The following SAMD5 variants were observed in gnomAD, a reference collection of about 807,000 sequenced individuals.
The protein encoded by SAMD5 is sterile alpha motif domain containing 5.
A neutral mutation model predicts 11.3 loss-of-function variants in SAMD5; 13 were observed. The observed-to-expected ratio is 1.15, with a 90% CI of 0.75 to 1.83. SAMD5 has a LOEUF of 1.83. Ranked by LOEUF, SAMD5 falls within the 40% of genes most tolerant of loss-of-function variation. SAMD5 has a pLI of 0.00. For missense variants in SAMD5, 255 were observed against 239.1 expected, an observed-to-expected ratio of 1.07 and a Z score of -0.44; for synonymous variants, 129 against 111.3, an observed-to-expected ratio of 1.16 and a Z score of -1.00.
At chr6:147,539,339 G>C (rs1240857409) in intron 1 of SAMD5, among the ~76,000 whole-genome samples, 1 of 152,184 alleles carries the variant, frequency 6.6e-6, no homozygotes, top group African/African-American at 2.4e-5. Flanking sequence ...AGGTGGCTGA[G>C]AGCATGCTTC....
At chr6:147,661,144 A>T (rs548750099) in intron 1 of SAMD5, among the ~76,000 whole-genome samples, 2 of 151,638 alleles carry the variant, frequency 1.3e-5, no homozygotes, top group South Asian at 2.1e-4. Flanking sequence ...AAATCTACCA[A>T]TTTTTTTTTC....
the SAMD5 span, among the ~76,000 whole-genome samples, chr6:147,781,512 G>A: frequency 3.9e-5 from 6 of 151,988 alleles, no homozygotes; most frequent in African/African-American, 1.4e-4. Context: ...TCATCTTACT[G>A]AGAAGCAAAC....
At chr6:147,815,999 G>A in the SAMD5 span, among the ~76,000 whole-genome samples, 1 of 151,990 alleles carries the variant, frequency 6.6e-6, no homozygotes, top group Non-Finnish European at 1.5e-5. Context: ...TAGAAAGAAG[G>A]CTGGGCACGG....
chr6:147,511,627 CA>C (rs35910441), intron 1 of SAMD5, among the ~76,000 whole-genome samples: 62,960 of 136,556 alleles, frequency 0.46, 14,978 homozygotes, highest in African/African-American at 0.69. Context: ...AGTTGGGGAC[CA>C]AAAAAAAAAA....
chr6:147,652,959 G>A (rs1453139505), intron 1 of SAMD5, among the ~76,000 whole-genome samples: 1 of 152,100 alleles, frequency 6.6e-6, no homozygotes, highest in Non-Finnish European at 1.5e-5. Context: ...ACTTCGATTT[G>A]TTTGCCTCCC....
At position 147,565,545 on chromosome 6, in the gene SAMD5, G is replaced by A. The variant is rs182561912; in HGVS notation, c.*1089G>A. 255 of 652,256 alleles carry A rather than the reference G, an allele frequency of 3.9e-4. 1 individual carries two copies. The South Asian group carries it at 6.9e-3, about 18-fold the overall frequency. 40.4% of individuals were successfully genotyped at this position (652,256 alleles called of 1,614,324 possible). ...ACAATCTTGGCTCACAGTGACTTTC[G>A]CCTCCCAGGTTCAAGGAATTCTCCT... On this transcript the variant is annotated 3_prime_UTR_variant, in exon 2 of 2. Transcript: ENST00000367474.
the SAMD5 span, among the ~76,000 whole-genome samples, chr6:147,875,346 G>C: frequency 1.3e-5 from 2 of 152,134 alleles, no homozygotes; most frequent in Non-Finnish European, 2.9e-5. Context: ...TTAGAGCAAC[G>C]ACCAAGTAGT....
At chr6:147,621,094 C>T (rs544629749) in intron 1 of SAMD5, among the ~76,000 whole-genome samples, 7 of 151,984 alleles carry the variant, frequency 4.6e-5, no homozygotes, top group East Asian at 3.9e-4. Flanking sequence ...GAGGGTCTTA[C>T]GTGTCGGGCT....
chr6:147,564,502 A>G lies in SAMD5; in HGVS notation c.*46A>G, dbSNP rs1789005763. On this transcript the variant is annotated 3_prime_UTR_variant, in exon 2 of 2. Transcript: ENST00000367474. ...TGGAGGACTGATGAGGTGCCTGAAG[A>G]CTGGAAAAGGGCATATTTAGAACCT... The G allele has an allele frequency of 1.2e-6, 1 of 826,468 alleles. No individual in the cohort carries two copies. The allele number at this position is 826,468 out of a possible 1,614,324, so 51.2% of individuals were successfully genotyped here. A position where few individuals can be genotyped will look rare whatever the true frequency, so the allele number is the denominator to read the frequency against.
At chr6:147,560,049 A>G (rs1289048613) in intron 1 of SAMD5, among the ~76,000 whole-genome samples, 1 of 152,186 alleles carries the variant, frequency 6.6e-6, no homozygotes, top group Admixed American at 6.5e-5. Flanking sequence ...AACTTTTCCA[A>G]TAGGAACTTA....
chr6:147,528,360 G>C (rs543729094), intron 1 of SAMD5, among the ~76,000 whole-genome samples: 1 of 152,110 alleles, frequency 6.6e-6, no homozygotes, highest in Admixed American at 6.6e-5. Context: ...CTGAGGCCAC[G>C]TGCCCCAGCT....
chr6:147,843,325 C>A, the SAMD5 span, among the ~76,000 whole-genome samples: 3 of 152,014 alleles, frequency 2.0e-5, no homozygotes, highest in Non-Finnish European at 2.9e-5. Flanking sequence ...TATAAAATAT[C>A]GATTAAAGAA....
At chr6:147,604,990 C>T (rs1042293193) in intron 1 of SAMD5, among the ~76,000 whole-genome samples, 1 of 152,158 alleles carries the variant, frequency 6.6e-6, no homozygotes, top group Non-Finnish European at 1.5e-5. Context: ...TAATCAGAGC[C>T]TTGACCACTA....
chr6:147,664,328 C>G (rs1790686928), intron 1 of SAMD5, among the ~76,000 whole-genome samples: 1 of 152,142 alleles, frequency 6.6e-6, no homozygotes, highest in Non-Finnish European at 1.5e-5. Context: ...TCCCTGCTGA[C>G]AGTAATCATT....
the SAMD5 span, among the ~76,000 whole-genome samples, chr6:147,928,595 AT>A: frequency 6.6e-6 from 1 of 151,528 alleles, no homozygotes; most frequent in Admixed American, 6.6e-5. Context: ...CTATCTTACT[AT>A]TTTTTTGAAC....
chr6:147,841,510 A>G, the SAMD5 span, among the ~76,000 whole-genome samples: 4 of 152,192 alleles, frequency 2.6e-5, no homozygotes, highest in East Asian at 1.9e-4. Context: ...TCTTTCTCCT[A>G]TTCACATTAG....
the SAMD5 span, among the ~76,000 whole-genome samples, chr6:147,848,264 G>T: frequency 6.6e-6 from 1 of 152,076 alleles, no homozygotes; most frequent in Non-Finnish European, 1.5e-5. Context: ...GTGAAGGGGC[G>T]GTCTGGATGA....
chr6:147,863,456 C>T, the SAMD5 span, among the ~76,000 whole-genome samples: 1 of 152,200 alleles, frequency 6.6e-6, no homozygotes, highest in Non-Finnish European at 1.5e-5. Flanking sequence ...TCCTGCCTCT[C>T]ATTATGATGT....
At chr6:147,673,911 T>A (rs1460206095) in intron 1 of SAMD5, among the ~76,000 whole-genome samples, 1 of 151,980 alleles carries the variant, frequency 6.6e-6, no homozygotes, top group Non-Finnish European at 1.5e-5. Context: ...GGGTTAGAGG[T>A]CTTCAGGTAT....
Sources: allele counts gnomAD v4.1 joint callset (sites outside exome capture counted in the v4.1 genomes callset), GRCh38; gene constraint gnomAD v4.1.1; transcripts MANE v1.5; gene names NCBI Gene and HGNC (gene_info 2026-07-23, HGNC 2026-07-21).